Variants in PARD6G observed in about 807,000 individuals in gnomAD.
PARD6G encodes par-6 family cell polarity regulator gamma.
A neutral mutation model predicts 10.7 loss-of-function variants in PARD6G; 7 were observed. That is an observed-to-expected ratio of 0.66 (90% confidence interval 0.37 to 1.23). PARD6G has a LOEUF of 1.23. PARD6G is among the 50% of genes most tolerant of loss of function. PARD6G has a pLI of 0.02. For synonymous variants in PARD6G, 287 were observed against 269.4 expected, an observed-to-expected ratio of 1.07 and a Z score of -0.64; for missense variants, 548 against 571.8, an observed-to-expected ratio of 0.96 and a Z score of 0.42.
At chr18:80,242,154 C>G (rs1364430911) in intron 1 of PARD6G, among the ~76,000 whole-genome samples, 1 of 151,902 alleles carries the variant, frequency 6.6e-6, no homozygotes, top group Non-Finnish European at 1.5e-5. Flanking sequence ...TCAGTGCCCC[C>G]CAGGCTGACT....
At chr18:80,193,763 G>GCTGGCAGGAAGTA (rs1299892499) in intron 2 of PARD6G, among the ~76,000 whole-genome samples, 6 of 152,192 alleles carry the variant, frequency 3.9e-5, no homozygotes, top group Non-Finnish European at 8.8e-5. Context: ...GCTGAGGAGT[G>GCTGGCAGGAAGTA]CTGGCAGGAA....
At chr18:80,199,959 T>C (rs1272135662) in intron 2 of PARD6G, among the ~76,000 whole-genome samples, 1 of 152,226 alleles carries the variant, frequency 6.6e-6, no homozygotes, top group Non-Finnish European at 1.5e-5. Flanking sequence ...AACAGATTAA[T>C]TTTTTAAAAC....
At chr18:80,238,929 G>A (rs1254157136) in intron 1 of PARD6G, among the ~76,000 whole-genome samples, 2 of 152,096 alleles carry the variant, frequency 1.3e-5, no homozygotes, top group Admixed American at 1.3e-4. Flanking sequence ...GGAGGGCCTC[G>A]GTGCCCAGGC....
rs1750729098 is a variant in PARD6G, at chr18:80,181,104, G to A, written c.296-20498C>T. ...GACATTAGAACATGGGCTGCGACCG[G>A]AGAAGCAGCCTGCGGGGGTGGGCCA... On this transcript the variant is annotated intron_variant, in intron 2 of 2. Coordinates refer to ENST00000353265, the MANE Select transcript of PARD6G (RefSeq NM_032510.4). The surrounding 1 kb of genome is among the most constrained non-coding windows in gnomAD (Gnocchi z 7.9). Among the ~76,000 whole-genome samples the A allele has an allele frequency of 6.6e-6, 1 of 152,176 alleles. No homozygotes were observed. Among genetic ancestry groups the A allele is most frequent in the Admixed American group, 6.5e-5 (1 of 15,290 alleles).
At chr18:80,198,317 A>C (rs1024025658) in intron 2 of PARD6G, among the ~76,000 whole-genome samples, 2 of 152,232 alleles carry the variant, frequency 1.3e-5, no homozygotes, top group Non-Finnish European at 2.9e-5. Flanking sequence ...AAAGGCATAA[A>C]ATAAAGCACA....
intron 2 of PARD6G, among the ~76,000 whole-genome samples, chr18:80,193,874 T>C (rs536020575): frequency 1.3e-4 from 20 of 152,324 alleles, no homozygotes; most frequent in South Asian, 1.2e-3. Context: ...CAACTCTGCC[T>C]GTGTGTGTCA....
rs563393972 is a variant in PARD6G at position 80,183,324 on chromosome 18, C to T, written c.295+19386G>A. 3.2e-4 allele frequency among the ~76,000 whole-genome samples: 49 copies of T among 152,232 alleles called. No individual in the cohort carries two copies. Among genetic ancestry groups the T allele is most frequent in the African/African-American group, 1.1e-3 (45 of 41,538 alleles). ...TTCTCAGTGGCTCTAAAACAACAAG[C>T]GAAAGACAAAAAACCACCAGCATCC... On this transcript the variant is annotated intron_variant, in intron 2 of 2. Coordinates refer to ENST00000353265, the MANE Select transcript of PARD6G (RefSeq NM_032510.4). The surrounding 1 kb of genome is among the most constrained non-coding windows in gnomAD (Gnocchi z 4.5).
intron 2 of PARD6G, among the ~76,000 whole-genome samples, chr18:80,191,019 A>G (rs944081063): frequency 1.1e-4 from 17 of 152,166 alleles, no homozygotes; most frequent in Non-Finnish European, 2.4e-4. Flanking sequence ...CTCTCATCCA[A>G]CGGTAAAACA....
chr18:80,213,286 A>G (rs1021789460), intron 1 of PARD6G, among the ~76,000 whole-genome samples: 8 of 152,334 alleles, frequency 5.3e-5, no homozygotes, highest in African/African-American at 1.9e-4. Context: ...TACATTCCAG[A>G]GATCTAGACA....
At chr18:80,162,877 C>T (rs1666801929) in intron 2 of PARD6G, among the ~76,000 whole-genome samples, 1 of 152,152 alleles carries the variant, frequency 6.6e-6, no homozygotes. Context: ...TCCATCTGGT[C>T]TGGCTGCTGC....
chr18:80,165,447 C>T (rs1367809436), intron 2 of PARD6G, among the ~76,000 whole-genome samples: 4 of 151,786 alleles, frequency 2.6e-5, no homozygotes, highest in African/African-American at 9.7e-5. Context: ...TCAAGGTGCA[C>T]TGATTTCATA....
At position 80,228,653 on chromosome 18, in the gene PARD6G, G is replaced by A. The variant is rs1297703610; in HGVS notation, c.72+18624C>T. On this transcript the variant is annotated intron_variant, in intron 1 of 2. Transcript: ENST00000353265. The surrounding 1 kb of genome is among the most constrained non-coding windows in gnomAD (Gnocchi z 4.6). ...GACTGCGCCTCCCACCTAAGGCCCC[G>A]CCCACTGAGGCCCCATCCCCTGCCC... 1.4e-5 allele frequency among the ~76,000 whole-genome samples: 2 copies of A among 139,352 alleles called. No homozygotes were observed. The highest frequency in any genetic ancestry group is 7.3e-5 in the Admixed American group (1 of 13,658). 91.4% of individuals were successfully genotyped at this position (139,352 alleles called of 152,430 possible).
Position 80,192,652 on chromosome 18 carries a change from C to T in PARD6G, c.295+10058G>A, listed in dbSNP as rs372034206. On this transcript the variant is annotated intron_variant, in intron 2 of 2. Transcript: ENST00000353265. The surrounding 1 kb of genome is among the most constrained non-coding windows in gnomAD (Gnocchi z 4.9). The stretch of plus-strand genomic sequence containing the variant: ...CACATTGAAGGGTACACTGTACTTT[C>T]TGAACCTTACTGTGGTCCAGAACAC... Among the ~76,000 whole-genome samples the T allele has an allele frequency of 1.8e-3, 270 of 152,270 alleles. 1 individual carries two copies. Among genetic ancestry groups the T allele is most frequent in the African/African-American group, 6.3e-3 (262 of 41,560 alleles).
At chr18:80,216,181 G>C (rs1207716043) in intron 1 of PARD6G, among the ~76,000 whole-genome samples, 4 of 152,064 alleles carry the variant, frequency 2.6e-5, no homozygotes, top group African/African-American at 9.7e-5. Context: ...ATAAATGTTG[G>C]AGACTTTAAT....
At position 80,182,848 on chromosome 18, in the gene PARD6G, CTT is replaced by C. The variant is rs767639595; in HGVS notation, c.295+19860_295+19861del. 48 of 432,522 alleles carry C rather than the reference CTT, an allele frequency of 1.1e-4. No individual in the cohort carries two copies. Among genetic ancestry groups the C allele is most frequent in the Non-Finnish European group, 1.8e-4 (44 of 244,154 alleles). The allele number at this position is 432,522 out of a possible 1,614,324, so 26.8% of individuals were successfully genotyped here. Reference sequence around the variant, plus strand: ...GGGCAGGACAAATGTTCCCAGAGAACTTTTAAATCTGATGTTATAGTTTTATT... The same window carrying C: ...GGGCAGGACAAATGTTCCCAGAGAACTTAAATCTGATGTTATAGTTTTATT... On this transcript the variant is annotated intron_variant, in intron 2 of 2. Transcript: ENST00000353265. The surrounding 1 kb of genome is among the most constrained non-coding windows in gnomAD (Gnocchi z 4.5).
intron 1 of PARD6G, among the ~76,000 whole-genome samples, chr18:80,237,158 G>A (rs1967433300): frequency 6.6e-6 from 1 of 152,070 alleles, no homozygotes; most frequent in African/African-American, 2.4e-5. Context: ...AAGAGATATA[G>A]ACCAATGGAA....
At position 80,228,415 on chromosome 18, in the gene PARD6G, G is replaced by C. The variant is rs1967320437; in HGVS notation, c.72+18862C>G. ...CATTGACCCCCAGCCTCCTCAATCA[G>C]CTCTGCTGGGTGAGTCGCAGGCACC... On this transcript the variant is annotated intron_variant, in intron 1 of 2. Transcript: ENST00000353265. This position sits in a 1 kb window ranked among gnomAD's most constrained non-coding sequence, Gnocchi z 4.6. 6.6e-6 allele frequency among the ~76,000 whole-genome samples: 1 copy of C among 152,164 alleles called. No individual in the cohort carries two copies. The highest frequency in any genetic ancestry group is 6.5e-5 in the Admixed American group (1 of 15,280).
intron 1 of PARD6G, among the ~76,000 whole-genome samples, chr18:80,212,909 T>C (rs1967124024): frequency 6.6e-6 from 1 of 152,042 alleles, no homozygotes; most frequent in African/African-American, 2.4e-5. Context: ...ATCTTGTTTT[T>C]ATCAATCTTT....
intron 2 of PARD6G, among the ~76,000 whole-genome samples, chr18:80,187,205 T>C (rs2145268870): frequency 6.6e-6 from 1 of 152,308 alleles, no homozygotes; most frequent in Admixed American, 6.5e-5. Context: ...TGCTCTAACC[T>C]GTTCTCTGGC....
Sources: gnomAD v4.1 joint callset for allele counts (sites outside exome capture counted in the v4.1 genomes callset) on GRCh38, gnomAD v4.1.1 for gene constraint, Gnocchi (gnomAD v3.1) non-coding constraint, MANE v1.5 for transcripts, NCBI Gene and HGNC (gene_info 2026-07-23, HGNC 2026-07-21) for gene names.